The following RCL1 variants were observed in gnomAD, a reference collection of about 807,000 sequenced individuals.
RCL1 encodes RNA 3'-terminal phosphate cyclase-like protein.
Under a neutral mutation model 42.4 loss-of-function variants are expected in RCL1, and 24 were observed. The ratio of observed to expected loss-of-function variants is 0.57; its 90% confidence interval spans 0.41 to 0.80. The LOEUF (loss-of-function observed/expected upper bound fraction) is 0.80. Ranked by LOEUF, RCL1 falls within the 30% of genes least tolerant of loss-of-function variation. The pLI is 0.00. For missense variants in RCL1, 578 were observed against 467.9 expected (o/e 1.24, Z -2.17); for synonymous variants, 228 against 177.3 (o/e 1.29, Z -2.27).
At chr9:4,827,297 C>T (rs984684549) in intron 3 of RCL1, 4 of 1,235,570 alleles carry the variant, frequency 3.2e-6, no homozygotes, top group African/African-American at 1.5e-5. Context: ...CTCTCCGTCT[C>T]ATCATAGTTG....
At chr9:4,824,038 A>T (rs1816680400) in intron 2 of RCL1, among the ~76,000 whole-genome samples, 1 of 152,190 alleles carries the variant, frequency 6.6e-6, no homozygotes, top group Non-Finnish European at 1.5e-5. Context: ...AAGACTGAAA[A>T]TTTCAGCAAA....
intron 5 of RCL1, among the ~76,000 whole-genome samples, chr9:4,838,633 G>C (rs1484141123): frequency 6.6e-6 from 1 of 152,214 alleles, no homozygotes; most frequent in Non-Finnish European, 1.5e-5. Flanking sequence ...GAACATTGGG[G>C]AAGGGGAAGA....
intron 1 of RCL1, among the ~76,000 whole-genome samples, chr9:4,795,345 A>G (rs910106435): frequency 2.6e-5 from 4 of 152,106 alleles, no homozygotes; most frequent in African/African-American, 7.2e-5. Flanking sequence ...GGCCTCCCAG[A>G]GTGCTGGGAT....
intron 7 of RCL1, among the ~76,000 whole-genome samples, chr9:4,846,174 T>C (rs768597726): frequency 2.6e-5 from 4 of 152,194 alleles, no homozygotes; most frequent in Non-Finnish European, 5.9e-5. Flanking sequence ...GTCTCATTGG[T>C]CCAAGATGGA....
intron 1 of RCL1, among the ~76,000 whole-genome samples, chr9:4,818,012 C>A (rs1245588705): frequency 6.9e-6 from 1 of 145,154 alleles, no homozygotes; most frequent in African/African-American, 2.5e-5. Flanking sequence ...CTTCTGCCTC[C>A]TAGGTTCAAG....
At chr9:4,800,905 C>T (rs569984745) in intron 1 of RCL1, among the ~76,000 whole-genome samples, 56 of 152,184 alleles carry the variant, frequency 3.7e-4, no homozygotes, top group Admixed American at 2.7e-3. Flanking sequence ...CCTCCTGGCT[C>T]GGCCTCCCAG....
chr9:4,841,656 C>T (rs982016030), intron 6 of RCL1, among the ~76,000 whole-genome samples: 7 of 152,010 alleles, frequency 4.6e-5, no homozygotes, highest in African/African-American at 1.7e-4. Context: ...CACTCTGTTC[C>T]AACAAAAAAA....
At chr9:4,794,477 T>C (rs1428711867) in intron 1 of RCL1, among the ~76,000 whole-genome samples, 2 of 152,234 alleles carry the variant, frequency 1.3e-5, no homozygotes, top group East Asian at 1.9e-4. Context: ...CGTCAACAAG[T>C]GTTCCACTTA....
chr9:4,858,480 A>G (rs1043077564), intron 8 of RCL1, among the ~76,000 whole-genome samples: 1 of 152,116 alleles, frequency 6.6e-6, no homozygotes, highest in East Asian at 1.9e-4. Context: ...TCTTTAGTGA[A>G]CTTTATAGTT....
chr9:4,854,838 C>T (rs1419133718), intron 8 of RCL1, among the ~76,000 whole-genome samples: 4 of 151,946 alleles, frequency 2.6e-5, no homozygotes, highest in Non-Finnish European at 4.4e-5. Context: ...GGGTAGATCA[C>T]GAGGTCAGGA....
chr9:4,858,721 C>T (rs943227291), intron 8 of RCL1, among the ~76,000 whole-genome samples: 15 of 146,534 alleles, frequency 1.0e-4, no homozygotes, highest in Non-Finnish European at 1.3e-4. Context: ...GTTTTTAAAG[C>T]TCCTTAGGTT....
At chr9:4,842,902 C>T (rs751572626) in intron 6 of RCL1, among the ~76,000 whole-genome samples, 2 of 152,302 alleles carry the variant, frequency 1.3e-5, no homozygotes, top group East Asian at 1.9e-4. Flanking sequence ...GCAGAGCAGG[C>T]CTGACAGCCA....
chr9:4,828,165 CAAAA>C (rs147771721), intron 3 of RCL1, among the ~76,000 whole-genome samples: 3 of 50,752 alleles, frequency 5.9e-5, no homozygotes, highest in Non-Finnish European at 1.4e-4. Context: ...GACTCCGTCT[CAAAA>C]AAAAAAAAAA....
intron 8 of RCL1, among the ~76,000 whole-genome samples, chr9:4,853,946 C>T (rs913805671): frequency 1.3e-5 from 2 of 152,134 alleles, no homozygotes; most frequent in South Asian, 4.1e-4. Context: ...AATGAGGAAA[C>T]CAGTGGGGAA....
intron 1 of RCL1, among the ~76,000 whole-genome samples, chr9:4,816,970 C>A (rs1377244173): frequency 2.6e-5 from 4 of 152,210 alleles, no homozygotes; most frequent in African/African-American, 9.7e-5. Flanking sequence ...GCACTTGCCA[C>A]CATGCCCAGC....
intron 1 of RCL1, among the ~76,000 whole-genome samples, chr9:4,806,064 T>TGTGTGTGTGTGTG: frequency 7.2e-6 from 1 of 139,274 alleles, no homozygotes; most frequent in East Asian, 2.0e-4. Flanking sequence ...GTGTGTGTGT[T>TGTGTGTGTGTGTG]TGTGTGTGTA....
Position 4,849,491 on chromosome 9 carries a change from C to T in RCL1, c.912C>T (p.Leu304=), listed in dbSNP as rs1331737030. Reference sequence around the variant, plus strand: ...CCAACCAAAGCCTGGCGCTACTACTCATGACCCTTGGACAGCAGGATGTTT... The same window carrying T: ...CCAACCAAAGCCTGGCGCTACTACTTATGACCCTTGGACAGCAGGATGTTT... ...DSTNQSLALL[L]MTLGQQDVSK... Residue 304 remains leucine, a synonymous_variant, in exon 8 of 9, where the codon CTC becomes CTT. Transcript: ENST00000381750. 6 of 1,613,986 alleles carry T rather than the reference C, an allele frequency of 3.7e-6. No individual in the cohort carries two copies. Among genetic ancestry groups the T allele is most frequent in the South Asian group, 3.3e-5 (3 of 91,078 alleles).
At chr9:4,830,944 A>C (rs1816923704) in intron 3 of RCL1, among the ~76,000 whole-genome samples, 2 of 152,124 alleles carry the variant, frequency 1.3e-5, no homozygotes, top group African/African-American at 4.8e-5. Context: ...CTTTCCCTTA[A>C]GCAGAACTTA....
intron 7 of RCL1, among the ~76,000 whole-genome samples, chr9:4,846,901 T>C (rs3837254): frequency 0.089 from 820 of 9,202 alleles, 9 homozygotes; most frequent in Non-Finnish European, 0.11. Context: ...TTTCTTTTTT[T>C]TTTTGAGGAA....
Sources: gnomAD v4.1 joint callset for allele counts (sites outside exome capture counted in the v4.1 genomes callset) on GRCh38, gnomAD v4.1.1 for gene constraint, MANE v1.5 for transcripts, NCBI Gene and HGNC (gene_info 2026-07-23, HGNC 2026-07-21) for gene names.